EP400: variants seen among roughly 807,000 people sequenced by gnomAD.
EP400 encodes E1A binding protein p400, also known as E1A-binding protein p400.
Under a neutral mutation model 354.1 loss-of-function variants are expected in EP400, and 105 were observed. The ratio of observed to expected loss-of-function variants is 0.30; its 90% CI spans 0.25 to 0.35. The LOEUF is 0.35. Ranked by LOEUF, EP400 falls within the 10% of genes least tolerant of loss-of-function variation. EP400 has a pLI of 1.00. For missense variants in EP400, 3,280 were observed against 4,121.0 expected, an observed-to-expected ratio of 0.80 and a Z score of 5.59; for synonymous variants, 1,646 against 1,716.9, an observed-to-expected ratio of 0.96 and a Z score of 1.02.
At chr12:131,986,483 A>T in intron 5 of EP400, 31 bp from the exon 6 acceptor site, 1 of 1,555,292 alleles carries the variant, frequency 6.4e-7, no homozygotes, top group East Asian at 2.3e-5. Context: ...TCTTTTCTTC[A>T]CCTTGCTCCA....
At chr12:131,975,877 G>GT (rs925928621) in intron 2 of EP400, among the ~76,000 whole-genome samples, 6 of 151,878 alleles carry the variant, frequency 4.0e-5, no homozygotes, top group African/African-American at 1.5e-4. Context: ...TTTTTTGTTT[G>GT]TTTTTTGGAG....
At chr12:132,046,011 G>A in intron 39 of EP400, 111 bp downstream of exon 39, 5 of 1,370,782 alleles carry the variant, frequency 3.6e-6, no homozygotes, top group South Asian at 1.4e-5. Context: ...CTTCATCCCT[G>A]TGGGTCTGCG....
Position 132,006,282 on chromosome 12 carries a change from A to T in EP400, c.3106A>T (p.Ser1036Cys), listed in dbSNP as rs752382344. Residue 1036 changes from serine to cysteine, a missense_variant, in exon 14 of 53, where the codon AGT (serine) becomes TGT (cysteine). Physicochemically the swap from Ser to Cys is moderately radical, Grantham distance 112. This residue lies in a region of EP400 where 800 missense variants were observed against 840.0 expected (regional missense o/e 0.95). Transcript: ENST00000389561. ...GGCTGAAGCCATCCTGCCGAAGGGC[A>T]GTGCTCGGGTCACAACCTCGGTGAG... ...AVAEAILPKG[S>C]ARVTTSVKFN... is the part of the protein sequence containing the mutation. 6.2e-7 allele frequency: 1 copy of T among 1,614,234 alleles called. No individual in the cohort carries two copies.
rs1339665249 is a variant in EP400 at position 132,032,096 on chromosome 12, A to G, written c.5898A>G (p.Lys1966=). 1 of 1,614,128 alleles carries G rather than the reference A, an allele frequency of 6.2e-7. No individual in the cohort carries two copies. The highest frequency in any genetic ancestry group is 8.5e-7 in the Non-Finnish European group (1 of 1,179,968). The change falls in exon 30 of 53, where the codon AAA becomes AAG. Residue 1966 remains lysine (K), a synonymous_variant. Coordinates refer to ENST00000389561, the MANE Select transcript of EP400 (RefSeq NM_015409.5). ...DNDLNPVMDA[K]AQEWCDRIGR... ...ACCTGAATCCAGTGATGGATGCCAA[A>G]GCTCAGGAGTGGTGCGATAGGATCG... is the stretch of plus-strand genomic sequence containing the variant.
At chr12:132,061,358 G>A (rs528777822) in intron 45 of EP400, among the ~76,000 whole-genome samples, 22 of 152,324 alleles carry the variant, frequency 1.4e-4, no homozygotes, top group African/African-American at 3.6e-4. Flanking sequence ...TGGGTGGAAT[G>A]GAAAACATGG....
intron 12 of EP400, among the ~76,000 whole-genome samples, chr12:131,999,042 G>A (rs1160563831): frequency 2.6e-5 from 4 of 151,502 alleles, no homozygotes; most frequent in Non-Finnish European, 2.9e-5. Flanking sequence ...TGTTGAGTTC[G>A]TGCTAGTGGT....
At chr12:132,024,120 G>T (rs1565919614) in intron 24 of EP400, among the ~76,000 whole-genome samples, 179 bp downstream of exon 24, 2 of 152,234 alleles carry the variant, frequency 1.3e-5, no homozygotes, top group African/African-American at 4.8e-5. Flanking sequence ...TCAGCCACCG[G>T]GTTGCCTGCA....
intron 2 of EP400, among the ~76,000 whole-genome samples, chr12:131,968,106 G>A (rs553823635): frequency 6.6e-6 from 1 of 152,008 alleles, no homozygotes; most frequent in Non-Finnish European, 1.5e-5. Context: ...TAAATTTTGT[G>A]GAAGTACAAT....
At chr12:132,030,494 A>G (rs1286006574) in intron 29 of EP400, among the ~76,000 whole-genome samples, 1 of 152,208 alleles carries the variant, frequency 6.6e-6, no homozygotes, top group Admixed American at 6.5e-5. Flanking sequence ...AGTTAGGGTA[A>G]TATGCCCATT....
chr12:132,064,031 C>T (rs1035146881), intron 47 of EP400, among the ~76,000 whole-genome samples: 1 of 148,978 alleles, frequency 6.7e-6, no homozygotes, highest in Non-Finnish European at 1.5e-5. Context: ...ATGACCCCCC[C>T]CCGGCCCACA....
In EP400 at chr12:132,027,506, C is replaced by G; in HGVS notation, c.5084C>G (p.Ala1695Gly). 1 of 1,613,436 alleles carries G rather than the reference C, an allele frequency of 6.2e-7. No individual in the cohort carries two copies. Among genetic ancestry groups the G allele is most frequent in the East Asian group, 2.2e-5 (1 of 44,862 alleles). Residue 1695 changes from alanine (A) to glycine (G), a missense_variant, in exon 26 of 53, where the codon GCT becomes GGT. Around this residue, in one of 20 missense-constraint regions of EP400, gnomAD observed 459 missense variants for 496.9 expected, o/e 0.92. Transcript: ENST00000389561. The surrounding 1 kb of genome is among the most constrained non-coding windows in gnomAD (Gnocchi z 4.9). ...VGEPGTASKP[A>G]SPIGGPTQEE... ...GAACCCGGAACGGCCTCCAAACCAG[C>G]TTCTCCCATTGGAGGGCCGACCCAG... is the stretch of plus-strand genomic sequence containing the variant.
At chr12:132,055,843 A>G (rs538485724) in intron 45 of EP400, among the ~76,000 whole-genome samples, 115 of 151,688 alleles carry the variant, frequency 7.6e-4, no homozygotes, top group African/African-American at 2.7e-3. Context: ...TGCTGATTCT[A>G]TTGCCGCAGG....
Position 131,961,931 on chromosome 12 carries a change from A to G in EP400, c.1312A>G (p.Lys438Glu), listed in dbSNP as rs777288003. The change falls in exon 2 of 53, where the codon AAA becomes GAA. Residue 438 changes from lysine (K) to glutamate (E), a missense_variant. Lys to Glu is a moderately conservative substitution (Grantham distance 56). Coordinates refer to ENST00000389561, the MANE Select transcript of EP400 (RefSeq NM_015409.5). Reference protein sequence around the residue: ...EEEEEEEEEEKSEVINDEQQA... With the variant: ...EEEEEEEEEEESEVINDEQQA... The stretch of plus-strand genomic sequence containing the variant: ...GGAGGAGGAGGAAGAGGAGGAAGAA[A>G]AATCTGAGGTTATCAATGACGAGGT... 3 of 1,612,584 alleles carry G rather than the reference A, an allele frequency of 1.9e-6. No individual in the cohort carries two copies. The highest frequency in any genetic ancestry group is 2.5e-6 in the Non-Finnish European group (3 of 1,179,262).
At chr12:132,063,754 A>T (rs1264009209) in intron 47 of EP400, among the ~76,000 whole-genome samples, 1 of 152,084 alleles carries the variant, frequency 6.6e-6, no homozygotes, top group Non-Finnish European at 1.5e-5. Context: ...GGTGGAATTT[A>T]GACATTGAGC....
intron 1 of EP400, among the ~76,000 whole-genome samples, chr12:131,956,312 G>A (rs1362531589): frequency 1.3e-5 from 2 of 152,140 alleles, no homozygotes; most frequent in East Asian, 1.9e-4. Flanking sequence ...ATTCTGATAC[G>A]TTTCAGTGGG....
chr12:131,989,976 G>A lies in EP400; in HGVS notation c.2422G>A (p.Val808Met), dbSNP rs761328035. The change falls in exon 8 of 53, where the codon GTG (valine) becomes ATG (methionine). Residue 808 changes from valine (V) to methionine (M), a missense_variant. Transcript: ENST00000389561. ...VAAAKKLVRT[V>M]VRHHEEKQLR... ...TTTTATTCACCAGCTCGTTAGAACT[G>A]TGGTGCGCCATCACGAGGAGAAGCA... 3.1e-6 allele frequency: 5 copies of A among 1,613,776 alleles called. No homozygotes were observed. The highest frequency in any genetic ancestry group is 2.2e-5 in the East Asian group (1 of 44,886).
chr12:131,955,685 C>A (rs1753292120), intron 1 of EP400, among the ~76,000 whole-genome samples: 1 of 151,968 alleles, frequency 6.6e-6, no homozygotes, highest in Non-Finnish European at 1.5e-5. Context: ...CGCTCTGTTG[C>A]CCAGGCTGGA....
chr12:132,066,765 A>G lies in EP400; in HGVS notation c.8554-9A>G, dbSNP rs752388086. ...TTCTCTGGACTCTCCCATTATTTCT[A>G]CTGTTTAGACCCGGGTTCCCACTTC... On this transcript the variant is annotated splice_polypyrimidine_tract_variant and intron_variant, in intron 48 of 52. Transcript: ENST00000389561. The G allele has an allele frequency of 1.1e-5, 18 of 1,609,530 alleles. No individual in the cohort carries two copies. The highest frequency in any genetic ancestry group is 1.0e-4 in the Admixed American group (6 of 58,746).
chr12:131,991,534 C>T, intron 10 of EP400, 78 bp downstream of exon 10: 1 of 1,310,198 alleles, frequency 7.6e-7, no homozygotes, highest in Non-Finnish European at 1.1e-6. Flanking sequence ...TCATTCTTAT[C>T]CAGAGGAATT....
Sources: allele counts gnomAD v4.1 joint callset (sites outside exome capture counted in the v4.1 genomes callset), GRCh38; gene constraint gnomAD v4.1.1; regional missense constraint gnomAD v4.1.1; non-coding constraint Gnocchi (gnomAD v3.1); transcripts MANE v1.5; gene names NCBI Gene and HGNC (gene_info 2026-07-23, HGNC 2026-07-21).